PIGB: variants seen among roughly 807,000 people sequenced by gnomAD.
PIGB encodes the protein GPI alpha-1,2-mannosyltransferase 3.
Under a neutral mutation model 68.4 loss-of-function variants are expected in PIGB, and 58 were observed. The observed-to-expected ratio is 0.85, with a 90% CI of 0.69 to 1.06. The LOEUF (loss-of-function observed/expected upper bound fraction) is 1.06. Among genes scored for constraint, PIGB ranks in the 50% least tolerant of loss-of-function variants. The pLI, the probability that PIGB is intolerant of heterozygous loss-of-function variation, is 0.00. For missense variants in PIGB, 634 were observed against 655.8 expected, an observed-to-expected ratio of 0.97 and a Z score of 0.36; for synonymous variants, 219 against 220.5, an observed-to-expected ratio of 0.99 and a Z score of 0.06.
At chr15:55,323,068 C>T (rs1175748753) in intron 3 of PIGB, among the ~76,000 whole-genome samples, 1 of 152,194 alleles carries the variant, frequency 6.6e-6, no homozygotes, top group Non-Finnish European at 1.5e-5. Flanking sequence ...CTGACCTGCT[C>T]CAACCCCTCT....
chr15:55,319,463 AC>A, intron 1 of PIGB, 50 bp downstream of exon 1: 1 of 1,403,688 alleles, frequency 7.1e-7, no homozygotes, highest in Non-Finnish European at 9.6e-7. Context: ...TCTAAAAGGA[AC>A]CCCCTCCATT....
intron 10 of PIGB, among the ~76,000 whole-genome samples, chr15:55,354,276 C>G (rs2056013251): frequency 6.6e-6 from 1 of 151,908 alleles, no homozygotes; most frequent in Non-Finnish European, 1.5e-5. Context: ...CCATTGCACT[C>G]CAGCCTGGGT....
At chr15:55,345,747 G>A (rs1338417484) in intron 9 of PIGB, among the ~76,000 whole-genome samples, 2 of 151,574 alleles carry the variant, frequency 1.3e-5, no homozygotes, top group South Asian at 2.1e-4. Flanking sequence ...GTGACAGAGC[G>A]AGATTCTGTC....
chr15:55,354,165 T>C lies in PIGB; in HGVS notation c.1338-633T>C, dbSNP rs981553232. ...CATCTCTACTAAAAAAATACAAAAA[T>C]CAGCCAGGCGTGGTTGGCGGGCGCC... On this transcript the variant is annotated intron_variant, in intron 10 of 11. Coordinates refer to ENST00000164305, the MANE Select transcript of PIGB (RefSeq NM_004855.5). Among the ~76,000 whole-genome samples, 3 of 151,458 alleles carry C rather than the reference T, an allele frequency of 2.0e-5. No homozygotes were observed. The South Asian group carries it at 6.3e-4, about 32-fold the overall frequency.
intron 1 of PIGB, chr15:55,319,652 A>G (rs549046998): frequency 2.5e-6 from 1 of 401,878 alleles, no homozygotes; most frequent in East Asian, 4.6e-5. Context: ...TTTGTGGTCA[A>G]GAGCAGGACT....
In PIGB at chr15:55,329,706, C is replaced by G. The variant is rs769774764; in HGVS notation, c.523-18C>G. The G allele has an allele frequency of 6.3e-7, 1 of 1,599,318 alleles. No homozygotes were observed. Among genetic ancestry groups the G allele is most frequent in the Non-Finnish European group, 8.5e-7 (1 of 1,172,226 alleles). On this transcript the variant is annotated intron_variant, in intron 4 of 11. Transcript: ENST00000164305. ...CCATTTCCAATTTCATATATGTTTG[C>G]TCTGTACTTTTTCTTAGTTTTTTTG...
chr15:55,342,113 G>A (rs2055684646), intron 9 of PIGB, among the ~76,000 whole-genome samples: 1 of 152,120 alleles, frequency 6.6e-6, no homozygotes, highest in Non-Finnish European at 1.5e-5. Flanking sequence ...CATATGGCAA[G>A]TCCTTCTCTC....
intron 6 of PIGB, among the ~76,000 whole-genome samples, chr15:55,338,380 T>C (rs182944755): frequency 6.6e-6 from 1 of 152,298 alleles, no homozygotes; most frequent in African/African-American, 2.4e-5. Context: ...GCACAGTGGC[T>C]TATATCTGTA....
Position 55,335,574 on chromosome 15 carries a change from T to C in PIGB, c.794+1567T>C, listed in dbSNP as rs79072189. On this transcript the variant is annotated intron_variant, in intron 6 of 11. Transcript: ENST00000164305. ...CAAGTGATGGTAATACAGGGAAAAATAATTGTGGGATAAGAAGGATAGAAT... is the reference window on the plus strand; with the variant it reads ...CAAGTGATGGTAATACAGGGAAAAACAATTGTGGGATAAGAAGGATAGAAT... Among the ~76,000 whole-genome samples the C allele has an allele frequency of 8.4e-3, 1,274 of 151,944 alleles. 16 individuals are homozygous for C. Among genetic ancestry groups the C allele is most frequent in the African/African-American group, 0.026 (1,090 of 41,398 alleles).
intron 3 of PIGB, among the ~76,000 whole-genome samples, chr15:55,325,629 T>C (rs1431546210): frequency 1.3e-5 from 2 of 152,080 alleles, no homozygotes; most frequent in Non-Finnish European, 2.9e-5. Context: ...TAAAAAGTAA[T>C]TTGTTAGCCA....
intron 1 of PIGB, chr15:55,319,666 G>C (rs745769710): frequency 2.8e-6 from 1 of 354,212 alleles, no homozygotes; most frequent in Admixed American, 4.4e-5. Flanking sequence ...CAGGACTTTG[G>C]AGACATCACA....
intron 5 of PIGB, among the ~76,000 whole-genome samples, chr15:55,331,462 T>G (rs2055411773): frequency 1.3e-5 from 2 of 152,074 alleles, no homozygotes; most frequent in African/African-American, 4.8e-5. Flanking sequence ...GCCTGTAATC[T>G]CCACACTTTG....
At chr15:55,326,263 T>A (rs1021902718) in intron 3 of PIGB, among the ~76,000 whole-genome samples, 2 of 151,948 alleles carry the variant, frequency 1.3e-5, no homozygotes, top group Admixed American at 6.6e-5. Flanking sequence ...TTATATCTTA[T>A]TATCTTATAC....
In PIGB at chr15:55,319,407, C is replaced by G. The variant is rs1015014954; in HGVS notation, c.157C>G (p.Arg53Gly). The G allele has an allele frequency of 1.3e-6, 2 of 1,551,602 alleles. No individual in the cohort carries two copies. The highest frequency in any genetic ancestry group is 8.7e-7 in the Non-Finnish European group (1 of 1,146,992). ...CACCCAGGAGAAGAGCGCCAGGCGCCGCGGGGGTGAGTGAGGGGACACTGT... is the reference window on the plus strand; with the variant it reads ...CACCCAGGAGAAGAGCGCCAGGCGCGGCGGGGGTGAGTGAGGGGACACTGT... ...FNTQEKSARR[R>G]GDLLGENIYL... is the part of the protein sequence containing the mutation. The change falls in exon 1 of 12, where the codon CGC (arginine) becomes GGC (glycine). Residue 53 changes from arginine to glycine, a missense_variant. Transcript: ENST00000164305.
chr15:55,322,555 T>A (rs1044759833), intron 3 of PIGB, among the ~76,000 whole-genome samples: 2 of 152,244 alleles, frequency 1.3e-5, no homozygotes, highest in Admixed American at 6.5e-5. Flanking sequence ...TTTCTGTCAG[T>A]GGGGGTTAAT....
At chr15:55,348,975 TC>T (rs893432618) in intron 9 of PIGB, among the ~76,000 whole-genome samples, 43 of 152,184 alleles carry the variant, frequency 2.8e-4, no homozygotes, top group Non-Finnish European at 4.9e-4. Flanking sequence ...TGAGACAGTT[TC>T]ACTCTGTTGC....
rs981939086 is a variant in PIGB at position 55,319,438 on chromosome 15, G to C, written c.163+25G>C. On this transcript the variant is annotated intron_variant, in intron 1 of 11. Transcript: ENST00000164305. The stretch of plus-strand genomic sequence containing the variant: ...GGTGAGTGAGGGGACACTGTCTGGA[G>C]AGCTCCTACCCCCATCTAAAAGGAA... 11 of 1,545,098 alleles carry C rather than the reference G, an allele frequency of 7.1e-6. No homozygotes were observed. The Admixed American group carries it at 2.0e-4, about 28-fold the overall frequency.
rs2055904544 is a variant in PIGB, at chr15:55,350,799, A to G, written c.1224A>G (p.Gln408=). The change falls in exon 10 of 12, where the codon CAA becomes CAG. Residue 408 remains glutamine (Q), a synonymous_variant. Coordinates refer to ENST00000164305, the MANE Select transcript of PIGB (RefSeq NM_004855.5). ...FLALYTGLVH[Q]RGTLDVMSHI... The stretch of plus-strand genomic sequence containing the variant: ...CCCTTTATACTGGTTTAGTTCATCA[A>G]CGAGGTACTCTTGATGTCATGAGTC... The G allele has an allele frequency of 1.9e-6, 3 of 1,611,690 alleles. No homozygotes were observed. Among genetic ancestry groups the G allele is most frequent in the South Asian group, 2.2e-5 (2 of 91,026 alleles).
chr15:55,324,559 A>G (rs913063012), intron 3 of PIGB, among the ~76,000 whole-genome samples: 11 of 152,210 alleles, frequency 7.2e-5, no homozygotes. Flanking sequence ...CATAGATAGT[A>G]TCCTCTAGAC....
Sources: gnomAD v4.1 joint callset for allele counts (sites outside exome capture counted in the v4.1 genomes callset) on GRCh38, gnomAD v4.1.1 for gene constraint, MANE v1.5 for transcripts, NCBI Gene and HGNC (gene_info 2026-07-23, HGNC 2026-07-21) for gene names.